SMG7: variants seen among roughly 807,000 people sequenced by gnomAD.
SMG7 encodes the protein SMG7 nonsense mediated mRNA decay factor.
Under a neutral mutation model 148.2 loss-of-function variants are expected in SMG7, and 34 were observed. That is an observed-to-expected ratio of 0.23 (90% confidence interval 0.17 to 0.31). The LOEUF is 0.31. Ranked by LOEUF, SMG7 falls within the 10% of genes least tolerant of loss-of-function variation. The probability of loss-of-function intolerance (pLI) is 1.00; values close to 1 mark genes in which losing one functional copy is unlikely to be tolerated. For synonymous variants in SMG7, 492 were observed against 515.1 expected (o/e 0.96, Z 0.61); for missense variants, 1,114 against 1,408.4 (o/e 0.79, Z 3.35).
intron 3 of SMG7, among the ~76,000 whole-genome samples, chr1:183,516,382 A>G (rs916400365): frequency 6.6e-6 from 1 of 152,212 alleles, no homozygotes; most frequent in East Asian, 1.9e-4. Flanking sequence ...TGATTCTATA[A>G]TTTCCCTGTC....
chr1:183,475,850 G>C (rs903380898), intron 1 of SMG7, among the ~76,000 whole-genome samples: 4 of 152,068 alleles, frequency 2.6e-5, no homozygotes, highest in African/African-American at 4.8e-5. Flanking sequence ...ATGATAGTTT[G>C]AGATGAACTT....
At chr1:183,475,313 A>G (rs115319455) in intron 1 of SMG7, among the ~76,000 whole-genome samples, 2,157 of 152,330 alleles carry the variant, frequency 0.014, 56 homozygotes, top group African/African-American at 0.049. Context: ...CACAAGCACT[A>G]GGAAGAGGAA....
intron 16 of SMG7, 121 bp from the exon 17 acceptor site, chr1:183,545,845 T>G: frequency 8.6e-7 from 1 of 1,162,362 alleles, no homozygotes; most frequent in Non-Finnish European, 1.2e-6. Flanking sequence ...AGGAAACTGC[T>G]GCCTTGCCTA....
chr1:183,474,881 C>T (rs1651756836), intron 1 of SMG7, among the ~76,000 whole-genome samples: 1 of 152,078 alleles, frequency 6.6e-6, no homozygotes, highest in Admixed American at 6.5e-5. Context: ...GCGGGGAATT[C>T]CAAATGGAAG....
intron 1 of SMG7, 30 bp from the exon 2 acceptor site, chr1:183,512,805 ACT>A (rs1662445429): frequency 2.3e-6 from 3 of 1,317,130 alleles, no homozygotes; most frequent in Admixed American, 2.5e-5. Flanking sequence ...TCTAACTGAT[ACT>A]CTTTTTTTTT....
chr1:183,488,202 A>G (rs762778435), intron 1 of SMG7, among the ~76,000 whole-genome samples: 57 of 152,224 alleles, frequency 3.7e-4, no homozygotes, highest in Non-Finnish European at 5.1e-4. Flanking sequence ...TGACATGAGA[A>G]TAGTTGATAG....
chr1:183,533,432 T>C (rs1366198301), intron 9 of SMG7, 106 bp downstream of exon 9: 1 of 1,192,328 alleles, frequency 8.4e-7, no homozygotes, highest in Non-Finnish European at 1.2e-6. Flanking sequence ...ATAGTGTATT[T>C]CTTACACTGA....
chr1:183,533,378 T>G, intron 9 of SMG7, 52 bp downstream of exon 9: 1 of 1,552,338 alleles, frequency 6.4e-7, no homozygotes, highest in Non-Finnish European at 8.8e-7. Flanking sequence ...AACATCATCT[T>G]AGGCATTTCA....
At chr1:183,489,026 TATAGTTC>T (rs374065804) in intron 1 of SMG7, among the ~76,000 whole-genome samples, 29 of 152,140 alleles carry the variant, frequency 1.9e-4, no homozygotes, top group African/African-American at 6.8e-4. Flanking sequence ...TTCTTTTTGA[TATAGTTC>T]ATGAGTGTTC....
intron 1 of SMG7, among the ~76,000 whole-genome samples, chr1:183,504,672 T>C (rs966142091): frequency 1.9e-4 from 29 of 152,198 alleles, no homozygotes; most frequent in African/African-American, 6.8e-4. Flanking sequence ...CAATTTTGTC[T>C]AGTCCACATG....
chr1:183,473,178 G>T (rs1284029716), intron 1 of SMG7, among the ~76,000 whole-genome samples: 1 of 152,044 alleles, frequency 6.6e-6, no homozygotes, highest in South Asian at 2.1e-4. Context: ...CTTCATTCTC[G>T]GGTTGGGAGT....
Position 183,528,011 on chromosome 1 carries a change from G to T in SMG7, c.540G>T (p.Gln180His). The T allele has an allele frequency of 1.2e-6, 2 of 1,612,994 alleles. No individual in the cohort carries two copies. Among genetic ancestry groups the T allele is most frequent in the Middle Eastern group, 1.7e-4 (1 of 6,054 alleles). The part of the protein sequence containing the change: ...QAESYYRHAA[Q>H]LVPSNGQPYN... ...AGTCCTACTATAGGCATGCAGCTCA[G>T]CTTGTCCCCTCCAATGGTGAGTGGA... Residue 180 changes from glutamine to histidine, a missense_variant, in exon 6 of 23, where the codon CAG becomes CAT. By Grantham distance (24) the Gln-to-His change is conservative. Coordinates refer to ENST00000688051, the MANE Select transcript of SMG7 (RefSeq NM_001375584.1).
At chr1:183,491,292 GT>G (rs1180370217) in intron 1 of SMG7, among the ~76,000 whole-genome samples, 1 of 152,112 alleles carries the variant, frequency 6.6e-6, no homozygotes, top group Non-Finnish European at 1.5e-5. Context: ...TCCTTCCTTT[GT>G]TTACTGCTGA....
intron 1 of SMG7, among the ~76,000 whole-genome samples, chr1:183,505,715 G>C (rs2761581): frequency 0.32 from 48,477 of 152,064 alleles, 8,473 homozygotes; most frequent in East Asian, 0.52. Context: ...GTGTAGCCCT[G>C]AACACTATCT....
chr1:183,529,227 T>C (rs1332262763), intron 7 of SMG7, among the ~76,000 whole-genome samples, 171 bp from the exon 8 acceptor site: 1 of 152,158 alleles, frequency 6.6e-6, no homozygotes, highest in African/African-American at 2.4e-5. Flanking sequence ...TCAGTCCCAG[T>C]AAAAGAGTAC....
intron 10 of SMG7, among the ~76,000 whole-genome samples, chr1:183,536,232 C>A (rs1200670554): frequency 2.0e-5 from 3 of 151,958 alleles, no homozygotes; most frequent in Admixed American, 6.6e-5. Context: ...GTAATTGTTT[C>A]CAGGCCAAAA....
chr1:183,549,712 T>G, intron 19 of SMG7, 52 bp from the exon 20 acceptor site: 1 of 1,499,772 alleles, frequency 6.7e-7, no homozygotes, highest in South Asian at 1.1e-5. Context: ...TTGGATTTTC[T>G]CAAATCTCTT....
Position 183,526,751 on chromosome 1 carries a change from C to A in SMG7, c.468C>A (p.Val156=). 2 of 1,613,034 alleles carry A rather than the reference C, an allele frequency of 1.2e-6. No homozygotes were observed. Among genetic ancestry groups the A allele is most frequent in the Middle Eastern group, 3.3e-4 (2 of 6,054 alleles). The stretch of plus-strand genomic sequence containing the variant: ...CCTATATCTGCCAGCACTGCCTCGT[C>A]CACCTTGGAGACATTGGTGAGCCTT... ...SCSYICQHCL[V]HLGDIARYRN... is the part of the protein sequence containing the mutation. Residue 156 remains valine (V), a synonymous_variant, in exon 5 of 23, where the codon GTC becomes GTA. Transcript: ENST00000688051.
intron 1 of SMG7, among the ~76,000 whole-genome samples, chr1:183,511,285 A>T (rs1204425638): frequency 6.6e-6 from 1 of 152,206 alleles, no homozygotes; most frequent in East Asian, 1.9e-4. Flanking sequence ...TGTGATGAGC[A>T]TTCTTAAAAT....
Sources: allele counts gnomAD v4.1 joint callset (sites outside exome capture counted in the v4.1 genomes callset), GRCh38; gene constraint gnomAD v4.1.1; transcripts MANE v1.5; gene names NCBI Gene and HGNC (gene_info 2026-07-23, HGNC 2026-07-21).